The following NKAIN2 variants were observed in gnomAD, a reference collection of about 807,000 sequenced individuals.
The protein encoded by NKAIN2 is sodium/potassium transporting ATPase interacting 2, also known as sodium/potassium-transporting ATPase subunit beta-1-interacting protein 2.
Under a neutral mutation model 32.6 loss-of-function variants are expected in NKAIN2, and 14 were observed. The ratio of observed to expected loss-of-function variants is 0.43; its 90% CI spans 0.28 to 0.67. The LOEUF is 0.67. NKAIN2 is among the 30% of genes least tolerant of loss of function. NKAIN2 has a pLI of 0.17. For missense variants in NKAIN2, 198 were observed against 258.3 expected (o/e 0.77, Z 1.60); for synonymous variants, 80 against 87.2 (o/e 0.92, Z 0.46).
intron 1 of NKAIN2, among the ~76,000 whole-genome samples, chr6:123,869,153 A>G (rs1021805702): frequency 1.3e-5 from 2 of 152,324 alleles, no homozygotes; most frequent in Non-Finnish European, 2.9e-5. Context: ...CACTTTGGAA[A>G]ATGAAATTTA....
chr6:124,251,823 A>G (rs1793702075), intron 1 of NKAIN2, among the ~76,000 whole-genome samples: 1 of 152,050 alleles, frequency 6.6e-6, no homozygotes, highest in African/African-American at 2.4e-5. Context: ...TACCTAATAA[A>G]TATTGGTAGT....
intron 3 of NKAIN2, among the ~76,000 whole-genome samples, chr6:124,527,768 T>C (rs1251530308): frequency 6.6e-6 from 1 of 152,066 alleles, no homozygotes; most frequent in Admixed American, 6.6e-5. Flanking sequence ...CAGTGGAAAT[T>C]TGCAGAGTCG....
chr6:124,343,482 T>C (rs1317467130), intron 2 of NKAIN2, among the ~76,000 whole-genome samples: 1 of 151,790 alleles, frequency 6.6e-6, no homozygotes, highest in African/African-American at 2.4e-5. Flanking sequence ...CCACATCCTC[T>C]CCAGCACCTG....
chr6:124,637,143 G>T (rs1021834434), intron 3 of NKAIN2, among the ~76,000 whole-genome samples: 1 of 151,984 alleles, frequency 6.6e-6, no homozygotes, highest in African/African-American at 2.4e-5. Context: ...AGAACCACGC[G>T]ATTCTCTCAG....
intron 3 of NKAIN2, among the ~76,000 whole-genome samples, chr6:124,653,667 T>C (rs1164626107): frequency 6.6e-6 from 1 of 151,998 alleles, no homozygotes; most frequent in Non-Finnish European, 1.5e-5. Context: ...TGTCCTTAGT[T>C]AAAATTTAAA....
chr6:124,644,662 C>A (rs1166383746), intron 3 of NKAIN2, among the ~76,000 whole-genome samples: 2 of 152,124 alleles, frequency 1.3e-5, no homozygotes, highest in Non-Finnish European at 2.9e-5. Context: ...CCTCGGCCCC[C>A]CCAAAGTGCT....
chr6:124,365,752 A>T (rs1244137147), intron 3 of NKAIN2, among the ~76,000 whole-genome samples: 1 of 152,074 alleles, frequency 6.6e-6, no homozygotes, highest in African/African-American at 2.4e-5. Flanking sequence ...ATTCAATCAT[A>T]TAATGATTCA....
intron 1 of NKAIN2, among the ~76,000 whole-genome samples, chr6:124,269,601 T>C (rs1174873349): frequency 6.6e-6 from 1 of 151,766 alleles, no homozygotes; most frequent in East Asian, 1.9e-4. Flanking sequence ...CTGAGTAGCT[T>C]GGATTACAGG....
chr6:124,220,127 G>T (rs1488621312), intron 1 of NKAIN2, among the ~76,000 whole-genome samples: 2 of 152,110 alleles, frequency 1.3e-5, no homozygotes, highest in Non-Finnish European at 2.9e-5. Flanking sequence ...AGATCATGGG[G>T]GTGGCTTTCC....
intron 1 of NKAIN2, among the ~76,000 whole-genome samples, chr6:124,214,048 ATTG>A (rs1389399813): frequency 6.6e-6 from 1 of 152,178 alleles, no homozygotes; most frequent in Non-Finnish European, 1.5e-5. Context: ...TTTCATCTTC[ATTG>A]TTAACATTTC....
intron 1 of NKAIN2, among the ~76,000 whole-genome samples, chr6:123,993,027 G>T (rs1273204508): frequency 6.6e-6 from 1 of 151,978 alleles, no homozygotes; most frequent in African/African-American, 2.4e-5. Context: ...TTCCTATCTG[G>T]TAAAACAATG....
chr6:124,359,327 A>T (rs1435290969), intron 3 of NKAIN2, among the ~76,000 whole-genome samples: 1 of 152,130 alleles, frequency 6.6e-6, no homozygotes, highest in Non-Finnish European at 1.5e-5. Flanking sequence ...TGGTAGCTTG[A>T]TGGGGATGGC....
chr6:124,274,640 G>T (rs1794941576), intron 1 of NKAIN2, among the ~76,000 whole-genome samples: 1 of 152,002 alleles, frequency 6.6e-6, no homozygotes, highest in Admixed American at 6.5e-5. Flanking sequence ...GTGCAATAAA[G>T]ATAATGGTAG....
At position 124,279,303 on chromosome 6, in the gene NKAIN2, C is replaced by T. The variant is rs767172245; in HGVS notation, c.55-3702C>T. ...TGGGCCGATCATGAGGTCAGGAAAT[C>T]GAGACCATCCTGGCTAACACGGTGA... On this transcript the variant is annotated intron_variant, in intron 1 of 6. Coordinates refer to ENST00000368417, the MANE Select transcript of NKAIN2 (RefSeq NM_001040214.3). Among the ~76,000 whole-genome samples the T allele has an allele frequency of 4.6e-5, 7 of 151,990 alleles. No homozygotes were observed. In the South Asian group the frequency reaches 6.2e-4, roughly 14 times the overall value.
chr6:124,560,537 T>C (rs1780650590), intron 3 of NKAIN2, among the ~76,000 whole-genome samples: 1 of 152,252 alleles, frequency 6.6e-6, no homozygotes, highest in African/African-American at 2.4e-5. Context: ...CTTCTACTTA[T>C]TACCTATGTA....
intron 1 of NKAIN2, among the ~76,000 whole-genome samples, chr6:123,961,940 T>C (rs1348389078): frequency 1.3e-5 from 2 of 152,182 alleles, no homozygotes; most frequent in African/African-American, 4.8e-5. Context: ...TTGAAATTAC[T>C]GCTTTAGAGA....
chr6:124,775,032 T>G (rs1015619923), intron 4 of NKAIN2, among the ~76,000 whole-genome samples: 4 of 152,064 alleles, frequency 2.6e-5, no homozygotes, highest in African/African-American at 9.7e-5. Context: ...TTTCCTGACC[T>G]CTAAACCATC....
At chr6:124,392,927 C>A (rs540804558) in intron 3 of NKAIN2, among the ~76,000 whole-genome samples, 2 of 152,056 alleles carry the variant, frequency 1.3e-5, no homozygotes, top group African/African-American at 4.8e-5. Context: ...CACCCTTGAG[C>A]CCAGGATTTT....
chr6:123,824,951 AC>A (rs1774085377), intron 1 of NKAIN2, among the ~76,000 whole-genome samples: 1 of 152,052 alleles, frequency 6.6e-6, no homozygotes, highest in Non-Finnish European at 1.5e-5. Flanking sequence ...ATCTGTCTTA[AC>A]CCATTTGGGC....
Sources: allele counts gnomAD v4.1 joint callset (sites outside exome capture counted in the v4.1 genomes callset), GRCh38; gene constraint gnomAD v4.1.1; transcripts MANE v1.5; gene names NCBI Gene and HGNC (gene_info 2026-07-23, HGNC 2026-07-21).